Variants in RASA1 observed in about 807,000 individuals in gnomAD.
RASA1 encodes the protein ras GTPase-activating protein 1.
A neutral mutation model predicts 132.2 loss-of-function variants in RASA1; 25 were observed. That is an observed-to-expected ratio of 0.19 (90% CI 0.14 to 0.26). RASA1 has a LOEUF of 0.26. Among genes scored for constraint, RASA1 ranks in the 10% least tolerant of loss-of-function variants. RASA1 has a pLI of 1.00. For synonymous variants in RASA1, 477 were observed against 449.9 expected (o/e 1.06, Z -0.76); for missense variants, 964 against 1,299.2 (o/e 0.74, Z 3.97).
At chr5:87,335,419 G>GTTTTTTT (rs34986349) in intron 4 of RASA1, among the ~76,000 whole-genome samples, 25 of 72,924 alleles carry the variant, frequency 3.4e-4, no homozygotes, top group South Asian at 6.5e-4. Context: ...AAAGAATGAG[G>GTTTTTTT]TTTTTTTTTT....
chr5:87,361,596 A>C (rs1330983161), intron 9 of RASA1, among the ~76,000 whole-genome samples: 2 of 152,178 alleles, frequency 1.3e-5, no homozygotes, highest in Non-Finnish European at 2.9e-5. Flanking sequence ...TTGAAGATTC[A>C]TTTATTCTGG....
chr5:87,344,999 T>G (rs1758749535), intron 6 of RASA1, among the ~76,000 whole-genome samples: 1 of 152,094 alleles, frequency 6.6e-6, no homozygotes. Context: ...TCACTGTGCT[T>G]ATTATAGTTT....
chr5:87,362,306 C>T (rs1031523662), intron 9 of RASA1, among the ~76,000 whole-genome samples: 5 of 152,156 alleles, frequency 3.3e-5, no homozygotes, highest in Non-Finnish European at 7.4e-5. Flanking sequence ...TGGAAACAGA[C>T]AACTTATTAG....
intron 5 of RASA1, among the ~76,000 whole-genome samples, chr5:87,338,515 A>T (rs1284958466): frequency 2.0e-5 from 2 of 98,268 alleles, no homozygotes; most frequent in African/African-American, 3.9e-5. Context: ...ATATATATAT[A>T]TATATATATA....
At chr5:87,386,527 G>C (rs1762073031) in intron 22 of RASA1, among the ~76,000 whole-genome samples, 1 of 151,948 alleles carries the variant, frequency 6.6e-6, no homozygotes, top group African/African-American at 2.4e-5. Flanking sequence ...GTTACGATTT[G>C]TGCTTGGGTC....
At chr5:87,345,218 A>C (rs1451845264) in intron 6 of RASA1, among the ~76,000 whole-genome samples, 2 of 152,136 alleles carry the variant, frequency 1.3e-5, no homozygotes, top group African/African-American at 4.8e-5. Flanking sequence ...GAAATATATA[A>C]ATTTTATATG....
intron 13 of RASA1, among the ~76,000 whole-genome samples, chr5:87,373,417 C>T (rs956208253): frequency 1.5e-4 from 23 of 152,038 alleles, no homozygotes; most frequent in African/African-American, 5.6e-4. Flanking sequence ...TCTTGGGCTT[C>T]GTTAGCTGCC....
intron 1 of RASA1, among the ~76,000 whole-genome samples, chr5:87,305,838 C>A (rs1755583015): frequency 6.6e-6 from 1 of 152,146 alleles, no homozygotes; most frequent in African/African-American, 2.4e-5. Flanking sequence ...AGACATGTTT[C>A]AAAAGAAGAC....
chr5:87,391,686 T>A lies in RASA1; in HGVS notation c.*803T>A, dbSNP rs1762532844. The A allele has an allele frequency of 4.3e-6, 1 of 232,928 alleles. No homozygotes were observed. The highest frequency in any genetic ancestry group is 5.6e-5 in the Admixed American group (1 of 17,832). 14.4% of individuals were successfully genotyped at this position (232,928 alleles called of 1,614,324 possible). On this transcript the variant is annotated 3_prime_UTR_variant, in exon 25 of 25. Coordinates refer to ENST00000274376, the MANE Select transcript of RASA1 (RefSeq NM_002890.3). Reference sequence around the variant, plus strand: ...TTTTATAGACTACCAATTTCTTTTATGTTAACTAGAATGCTTTTGTTAAAA... The same window carrying A: ...TTTTATAGACTACCAATTTCTTTTAAGTTAACTAGAATGCTTTTGTTAAAA...
chr5:87,278,788 T>A (rs2112241320), intron 1 of RASA1, among the ~76,000 whole-genome samples: 1 of 152,218 alleles, frequency 6.6e-6, no homozygotes, highest in East Asian at 1.9e-4. Context: ...TAAATTTGTA[T>A]AATCATTACC....
At chr5:87,329,400 C>A (rs899137810) in intron 1 of RASA1, among the ~76,000 whole-genome samples, 1 of 151,952 alleles carries the variant, frequency 6.6e-6, no homozygotes, top group Non-Finnish European at 1.5e-5. Context: ...TGAGATCGTA[C>A]CAGTGTACTC....
intron 22 of RASA1, among the ~76,000 whole-genome samples, chr5:87,386,303 G>C (rs915852740): frequency 2.6e-5 from 4 of 152,018 alleles, no homozygotes; most frequent in African/African-American, 9.7e-5. Context: ...AAGTAGTCAG[G>C]ATTTTAGTAC....
intron 1 of RASA1, chr5:87,269,282 G>A (rs1023251061): frequency 1.3e-6 from 2 of 1,536,498 alleles, no homozygotes; most frequent in Non-Finnish European, 1.7e-6. Context: ...TCCCTTCCAA[G>A]TTGAGGTGGT....
At chr5:87,291,465 A>G (rs1754907529) in intron 1 of RASA1, among the ~76,000 whole-genome samples, 1 of 152,190 alleles carries the variant, frequency 6.6e-6, no homozygotes, top group Non-Finnish European at 1.5e-5. Context: ...TGAGAGGCCA[A>G]GGCTGCAGTG....
rs1303270567 is a variant in RASA1, at chr5:87,329,449, A to C, written c.540-1899A>C. Reference sequence around the variant, plus strand: ...AGAGTGAGACTCCCGTCTTAAAACAAAACAAAACAAAAACAACTAAAAACC... The same window carrying C: ...AGAGTGAGACTCCCGTCTTAAAACACAACAAAACAAAAACAACTAAAAACC... On this transcript the variant is annotated intron_variant, in intron 1 of 24. Coordinates refer to ENST00000274376, the MANE Select transcript of RASA1 (RefSeq NM_002890.3). Among the ~76,000 whole-genome samples, 3 of 152,192 alleles carry C rather than the reference A, an allele frequency of 2.0e-5. No individual in the cohort carries two copies. The East Asian group carries it at 5.8e-4, about 29-fold the overall frequency.
intron 1 of RASA1, among the ~76,000 whole-genome samples, chr5:87,307,342 C>T (rs1755664321): frequency 6.6e-6 from 1 of 152,090 alleles, no homozygotes; most frequent in Non-Finnish European, 1.5e-5. Flanking sequence ...TTATTAGCTT[C>T]TTAAAAATAT....
At chr5:87,322,696 C>G (rs1397554915) in intron 1 of RASA1, among the ~76,000 whole-genome samples, 1 of 152,220 alleles carries the variant, frequency 6.6e-6, no homozygotes. Context: ...AACCACTTTT[C>G]TTTACCAATT....
intron 20 of RASA1, among the ~76,000 whole-genome samples, chr5:87,380,815 A>G (rs1761659680): frequency 6.6e-6 from 1 of 152,148 alleles, no homozygotes; most frequent in South Asian, 2.1e-4. Context: ...ATTTATAGTC[A>G]AGTATTGGGG....
intron 1 of RASA1, among the ~76,000 whole-genome samples, chr5:87,327,705 C>T (rs1757328232): frequency 6.6e-6 from 1 of 152,154 alleles, no homozygotes; most frequent in Admixed American, 6.5e-5. Context: ...TGGCTCACAC[C>T]TGTAATCTCA....
Sources: allele counts gnomAD v4.1 joint callset (sites outside exome capture counted in the v4.1 genomes callset), GRCh38; gene constraint gnomAD v4.1.1; transcripts MANE v1.5; gene names NCBI Gene and HGNC (gene_info 2026-07-23, HGNC 2026-07-21).